Variants in CCDC7 observed in about 807,000 individuals in gnomAD.
CCDC7 encodes coiled-coil domain-containing protein 7.
A neutral mutation model predicts 196.9 loss-of-function variants in CCDC7; 183 were observed. The observed-to-expected ratio is 0.93, with a 90% CI of 0.82 to 1.05. The LOEUF is 1.05. CCDC7 is among the 50% of genes least tolerant of loss of function. The pLI is 0.00. For missense variants in CCDC7, 1,540 were observed against 1,482.2 expected, an observed-to-expected ratio of 1.04 and a Z score of -0.64; for synonymous variants, 525 against 484.6, an observed-to-expected ratio of 1.08 and a Z score of -1.10.
chr10:32,837,887 G>C (rs1243420976), intron 33 of CCDC7, among the ~76,000 whole-genome samples: 3 of 140,818 alleles, frequency 2.1e-5, no homozygotes, highest in African/African-American at 7.8e-5. Flanking sequence ...AGAACACATG[G>C]ACACAGGAAG....
chr10:32,651,241 C>G (rs932662744), intron 20 of CCDC7, among the ~76,000 whole-genome samples: 1 of 152,178 alleles, frequency 6.6e-6, no homozygotes, highest in Non-Finnish European at 1.5e-5. Context: ...AGTCTCTTAA[C>G]TCACCCCTTC....
intron 11 of CCDC7, among the ~76,000 whole-genome samples, chr10:32,532,650 G>C (rs1010792023): frequency 2.0e-5 from 3 of 152,072 alleles, no homozygotes; most frequent in African/African-American, 7.2e-5. Flanking sequence ...TATATATCTG[G>C]GAGTTCTGTT....
chr10:32,756,691 C>G (rs1234336352), intron 28 of CCDC7, among the ~76,000 whole-genome samples: 1 of 152,174 alleles, frequency 6.6e-6, no homozygotes, highest in Non-Finnish European at 1.5e-5. Flanking sequence ...GAAATTGCAT[C>G]AATTAAAGAG....
At chr10:32,730,096 T>C (rs1187752678) in intron 28 of CCDC7, among the ~76,000 whole-genome samples, 1 of 152,134 alleles carries the variant, frequency 6.6e-6, no homozygotes, top group Non-Finnish European at 1.5e-5. Flanking sequence ...CAACCCATCA[T>C]CCAGGTATTA....
Position 32,453,285 on chromosome 10 carries a change from TA to T in CCDC7, c.280-57del, listed in dbSNP as rs2033556218. On this transcript the variant is annotated intron_variant, in intron 1 of 41. Coordinates refer to ENST00000639629, the Ensembl canonical transcript of CCDC7. ...TAATTGATTAAATATTATTTACATT[TA>T]ATATAATTAATTTTAAACTATTAAA... is the stretch of plus-strand genomic sequence containing the variant. 6.9e-6 allele frequency: 8 copies of T among 1,153,258 alleles called. No homozygotes were observed. The South Asian group carries it at 2.2e-4, about 32-fold the overall frequency. 71.4% of individuals were successfully genotyped at this position (1,153,258 alleles called of 1,614,324 possible).
chr10:32,506,580 G>A (rs1055463621), intron 9 of CCDC7, among the ~76,000 whole-genome samples: 1 of 152,328 alleles, frequency 6.6e-6, no homozygotes, highest in Middle Eastern at 3.4e-3. Flanking sequence ...CATTGAGTGA[G>A]TGAGACTCCG....
chr10:32,828,439 G>GAAGGAGAAGAAGAAGAAGA lies in CCDC7; in HGVS notation c.3268+3836_3268+3837insAGGAGAAGAAGAAGAAGAA, dbSNP rs1491102454. ...AGGAGAAGAAGAAGAAGGAAGGAAGGAGAAGAAGAAGAAGAAGAAGAAGAA... is the reference window on the plus strand; with the variant it reads ...AGGAGAAGAAGAAGAAGGAAGGAAGGAAGGAGAAGAAGAAGAAGAAGAAGAAGAAGAAGAAGAAGAAGAA... On this transcript the variant is annotated intron_variant, in intron 32 of 41. Coordinates refer to ENST00000639629, the Ensembl canonical transcript of CCDC7. 9.5e-4 allele frequency among the ~76,000 whole-genome samples: 54 copies of GAAGGAGAAGAAGAAGAAGA among 56,840 alleles called. 2 individuals are homozygous for GAAGGAGAAGAAGAAGAAGA. Among genetic ancestry groups the GAAGGAGAAGAAGAAGAAGA allele is most frequent in the African/African-American group, 2.3e-3 (52 of 22,718 alleles). The allele number at this position is 56,840 out of a possible 152,430, so 37.3% of individuals were successfully genotyped here.
intron 8 of CCDC7, among the ~76,000 whole-genome samples, chr10:32,491,433 T>C (rs1440492891): frequency 2.6e-5 from 4 of 152,170 alleles, no homozygotes; most frequent in African/African-American, 7.2e-5. Flanking sequence ...AGGTTCTCTT[T>C]TGGGTTCTTT....
chr10:32,855,668 C>T (rs1002482581), intron 41 of CCDC7, among the ~76,000 whole-genome samples: 3 of 152,172 alleles, frequency 2.0e-5, no homozygotes, highest in African/African-American at 7.2e-5. Flanking sequence ...ACAGATGAAG[C>T]TTCCCTTGCT....
At chr10:32,872,040 A>G (rs1280604226) in intron 41 of CCDC7, among the ~76,000 whole-genome samples, 2 of 152,196 alleles carry the variant, frequency 1.3e-5, no homozygotes, top group Middle Eastern at 3.4e-3. Flanking sequence ...CAATTTTGGA[A>G]TAGGTGTGGT....
At chr10:32,718,187 G>A (rs1012612583) in intron 25 of CCDC7, among the ~76,000 whole-genome samples, 3 of 152,070 alleles carry the variant, frequency 2.0e-5, no homozygotes, top group Non-Finnish European at 2.9e-5. Flanking sequence ...TATCCACCAC[G>A]ATCAGGTCAG....
At chr10:32,506,572 T>C (rs911453167) in intron 9 of CCDC7, among the ~76,000 whole-genome samples, 2 of 152,118 alleles carry the variant, frequency 1.3e-5, no homozygotes, top group Admixed American at 6.5e-5. Flanking sequence ...ACATTGAGCA[T>C]TGAGTGAGTG....
At chr10:32,634,960 C>A (rs1286747842) in intron 19 of CCDC7, 97 bp from the exon 21 acceptor site, 3 of 394,988 alleles carry the variant, frequency 7.6e-6, no homozygotes, top group Non-Finnish European at 1.3e-5. Context: ...CTGTAACTTC[C>A]TAGTCCTATT....
At chr10:32,656,027 T>G (rs1025166350) in intron 20 of CCDC7, among the ~76,000 whole-genome samples, 11 of 151,978 alleles carry the variant, frequency 7.2e-5, no homozygotes, top group Non-Finnish European at 1.6e-4. Flanking sequence ...GTTGATAGTT[T>G]TGTTTTCTGT....
At chr10:32,538,711 G>C (rs951270485) in intron 11 of CCDC7, among the ~76,000 whole-genome samples, 1 of 152,102 alleles carries the variant, frequency 6.6e-6, no homozygotes, top group African/African-American at 2.4e-5. Flanking sequence ...GAATTTTATT[G>C]AAAGTCTTTT....
In CCDC7 at chr10:32,689,215, C is replaced by T. The variant is rs535872804; in HGVS notation, c.2344+52C>T. The T allele has an allele frequency of 4.3e-5, 50 of 1,175,768 alleles. 1 individual carries two copies. Among genetic ancestry groups the T allele is most frequent in the South Asian group, 3.3e-4 (22 of 66,070 alleles). The allele number at this position is 1,175,768 out of a possible 1,614,324, so 72.8% of individuals were successfully genotyped here. On this transcript the variant is annotated intron_variant, in intron 23 of 41. Coordinates refer to ENST00000639629, the Ensembl canonical transcript of CCDC7. ...TAAATTATTTAAAAGTAAGTTCATCCGAAGGTATTTTTGCTTTGATTCACA... is the reference window on the plus strand; with the variant it reads ...TAAATTATTTAAAAGTAAGTTCATCTGAAGGTATTTTTGCTTTGATTCACA...
At chr10:32,848,018 G>A (rs1163104205) in intron 38 of CCDC7, 102 bp downstream of exon 39, 2 of 604,826 alleles carry the variant, frequency 3.3e-6, no homozygotes, top group African/African-American at 1.9e-5. Flanking sequence ...ATATTTCATG[G>A]GCAAATGTCT....
intron 9 of CCDC7, among the ~76,000 whole-genome samples, chr10:32,517,486 T>G (rs889964643): frequency 6.6e-6 from 1 of 151,198 alleles, no homozygotes; most frequent in Non-Finnish European, 1.5e-5. Context: ...ATTTTTGAAG[T>G]GCTAATCAAA....
chr10:32,716,515 A>G (rs549444150), intron 25 of CCDC7, among the ~76,000 whole-genome samples: 35 of 152,318 alleles, frequency 2.3e-4, no homozygotes, highest in African/African-American at 7.5e-4. Flanking sequence ...GCCAGTTAAC[A>G]TCATGATGAC....
Sources: allele counts gnomAD v4.1 joint callset (sites outside exome capture counted in the v4.1 genomes callset), GRCh38; gene constraint gnomAD v4.1.1; transcripts MANE v1.5; gene names NCBI Gene and HGNC (gene_info 2026-07-23, HGNC 2026-07-21).